Variants in PRKCH observed in about 807,000 individuals in gnomAD.
PRKCH encodes the protein protein kinase C eta type.
In PRKCH, 28 loss-of-function variants were observed where a neutral mutation model predicts 82.5. That is an observed-to-expected ratio of 0.34 (90% CI 0.25 to 0.47). The LOEUF is 0.47. Ranked by LOEUF, PRKCH falls within the 20% of genes least tolerant of loss-of-function variation. The pLI is 1.00. For missense variants in PRKCH, 705 were observed against 881.8 expected, an observed-to-expected ratio of 0.80 and a Z score of 2.54; for synonymous variants, 322 against 327.4, an observed-to-expected ratio of 0.98 and a Z score of 0.18.
intron 12 of PRKCH, among the ~76,000 whole-genome samples, chr14:61,536,319 A>T (rs2043108514): frequency 6.6e-6 from 1 of 152,198 alleles, no homozygotes; most frequent in Non-Finnish European, 1.5e-5. Flanking sequence ...CCAAAGAAGC[A>T]TTTTTAACAG....
At chr14:61,306,052 T>C (rs1211863332) in intron 1 of PRKCH, 1 of 152,232 alleles carries the variant, frequency 6.6e-6, no homozygotes, top group Non-Finnish European at 1.5e-5. Flanking sequence ...TGTATTATTA[T>C]TATTTATTCT....
At chr14:61,320,605 C>A (rs1282508204), upstream of PRKCH, among the ~76,000 whole-genome samples, 1 of 151,736 alleles carries the variant, frequency 6.6e-6, no homozygotes, top group Non-Finnish European at 1.5e-5. Flanking sequence ...GTCTCAAAAA[C>A]AACAACAACA....
At chr14:61,359,515 T>C (rs1323456054) in intron 1 of PRKCH, among the ~76,000 whole-genome samples, 1 of 152,270 alleles carries the variant, frequency 6.6e-6, no homozygotes, top group African/African-American at 2.4e-5. Flanking sequence ...TGTTGGGAGA[T>C]ACTGCAGGTG....
intron 2 of PRKCH, among the ~76,000 whole-genome samples, chr14:61,438,826 T>C (rs1566882452): frequency 6.6e-6 from 1 of 152,216 alleles, no homozygotes; most frequent in Admixed American, 6.5e-5. Context: ...TTTTATGAAA[T>C]ATAATTTTAG....
At chr14:61,441,826 T>A (rs28502249) in intron 2 of PRKCH, among the ~76,000 whole-genome samples, 188 of 151,668 alleles carry the variant, frequency 1.2e-3, no homozygotes, top group African/African-American at 4.2e-3. Context: ...TTTAAAAAAA[T>A]TTTTTTAAGA....
chr14:61,368,360 C>T (rs1383399480), intron 1 of PRKCH, among the ~76,000 whole-genome samples: 1 of 151,974 alleles, frequency 6.6e-6, no homozygotes, highest in African/African-American at 2.4e-5. Flanking sequence ...GATGATCTTG[C>T]CTTTGAGCCT....
intron 2 of PRKCH, among the ~76,000 whole-genome samples, chr14:61,419,607 C>T (rs545705465): frequency 8.5e-5 from 13 of 152,312 alleles, no homozygotes; most frequent in African/African-American, 3.1e-4. Context: ...TAATTAAGCT[C>T]CTCCTTTAGA....
chr14:61,188,019 A>G (rs1342749958), intron 1 of PRKCH, among the ~76,000 whole-genome samples: 1 of 152,180 alleles, frequency 6.6e-6, no homozygotes. Context: ...GCATCCCACT[A>G]ACTCGCTGTA....
chr14:61,442,328 C>G (rs1183335111), intron 2 of PRKCH, among the ~76,000 whole-genome samples: 2 of 152,096 alleles, frequency 1.3e-5, no homozygotes, highest in Non-Finnish European at 2.9e-5. Context: ...CTACCTATTC[C>G]AGGTTAACAG....
intron 1 of PRKCH, among the ~76,000 whole-genome samples, chr14:61,247,475 C>G (rs1377791071): frequency 1.3e-5 from 2 of 152,010 alleles, no homozygotes; most frequent in African/African-American, 4.8e-5. Flanking sequence ...GTGGCTCACG[C>G]CTGTAATCCC....
At chr14:61,470,952 C>A (rs924676672) in intron 9 of PRKCH, among the ~76,000 whole-genome samples, 1 of 152,116 alleles carries the variant, frequency 6.6e-6, no homozygotes, top group African/African-American at 2.4e-5. Context: ...CAGGGACCAC[C>A]GAGCCACAGA....
At chr14:61,273,195 AG>A (rs2045173628) in intron 1 of PRKCH, among the ~76,000 whole-genome samples, 1 of 152,214 alleles carries the variant, frequency 6.6e-6, no homozygotes, top group Non-Finnish European at 1.5e-5. Flanking sequence ...CTTAGTGCTC[AG>A]GGAAATAAAC....
At chr14:61,491,564 C>T (rs1886449735) in intron 10 of PRKCH, among the ~76,000 whole-genome samples, 2 of 152,204 alleles carry the variant, frequency 1.3e-5, no homozygotes, top group Non-Finnish European at 2.9e-5. Context: ...TCAGTGACTG[C>T]TCTTCAACTC....
At chr14:61,416,033 TTTTTCTTTTC>T (rs1236415116) in intron 2 of PRKCH, among the ~76,000 whole-genome samples, 8 of 143,190 alleles carry the variant, frequency 5.6e-5, no homozygotes, top group African/African-American at 1.3e-4. Flanking sequence ...CCTTGCCTCT[TTTTTCTTTTC>T]TTTTCTTTTC....
chr14:61,331,528 G>GA (rs1178095362), intron 1 of PRKCH, among the ~76,000 whole-genome samples: 1 of 151,936 alleles, frequency 6.6e-6, no homozygotes, highest in African/African-American at 2.4e-5. Context: ...CTCAAAAAAA[G>GA]AAACAACAAC....
intron 1 of PRKCH, among the ~76,000 whole-genome samples, chr14:61,261,922 T>G (rs1345046360): frequency 6.6e-6 from 1 of 152,040 alleles, no homozygotes. Context: ...AATAATCATT[T>G]AAGAATATTC....
At chr14:61,247,873 C>G (rs974052417) in intron 1 of PRKCH, among the ~76,000 whole-genome samples, 2 of 151,612 alleles carry the variant, frequency 1.3e-5, no homozygotes, top group Non-Finnish European at 2.9e-5. Flanking sequence ...CTGAAGACAA[C>G]AGTAGAGATC....
At chr14:61,455,098 C>T (rs892373011) in intron 7 of PRKCH, among the ~76,000 whole-genome samples, 4 of 151,422 alleles carry the variant, frequency 2.6e-5, no homozygotes, top group African/African-American at 9.7e-5. Context: ...GGCACAATCT[C>T]AGCTCACTGC....
At chr14:61,431,493 T>C (rs1363825659) in intron 2 of PRKCH, among the ~76,000 whole-genome samples, 1 of 152,230 alleles carries the variant, frequency 6.6e-6, no homozygotes, top group African/African-American at 2.4e-5. Context: ...CATTCTACCT[T>C]ATCCTCTCTG....
Sources: gnomAD v4.1 joint callset for allele counts (sites outside exome capture counted in the v4.1 genomes callset) on GRCh38, gnomAD v4.1.1 for gene constraint, MANE v1.5 for transcripts, NCBI Gene and HGNC (gene_info 2026-07-23, HGNC 2026-07-21) for gene names.